HPSE2: variants seen among roughly 807,000 people sequenced by gnomAD.
HPSE2 encodes the protein heparanase 2 (inactive).
A neutral mutation model predicts 60.5 loss-of-function variants in HPSE2; 38 were observed. The ratio of observed to expected loss-of-function variants is 0.63; its 90% CI spans 0.48 to 0.82. The LOEUF is 0.82. Ranked by LOEUF, HPSE2 falls within the 40% of genes least tolerant of loss-of-function variation. The pLI, the probability that HPSE2 is intolerant of heterozygous loss-of-function variation, is 0.00. For synonymous variants in HPSE2, 295 were observed against 293.2 expected (o/e 1.01, Z -0.06); for missense variants, 713 against 740.4 (o/e 0.96, Z 0.43).
intron 6 of HPSE2, among the ~76,000 whole-genome samples, chr10:98,662,756 T>C (rs944306998): frequency 2.0e-5 from 3 of 152,176 alleles, no homozygotes; most frequent in African/African-American, 7.2e-5. Context: ...GAGAAAACAA[T>C]GTCTAGTCTA....
At chr10:99,216,052 T>A (rs1485281060) in intron 2 of HPSE2, among the ~76,000 whole-genome samples, 1 of 152,168 alleles carries the variant, frequency 6.6e-6, no homozygotes. Context: ...CAGAAGAAAA[T>A]ACGTTTAATC....
At chr10:98,976,676 T>A (rs192235103) in intron 3 of HPSE2, among the ~76,000 whole-genome samples, 4 of 151,236 alleles carry the variant, frequency 2.6e-5, no homozygotes, top group African/African-American at 9.8e-5. Context: ...ACACCTGAAG[T>A]AAGGAACAGT....
At chr10:99,186,153 C>CACA in intron 2 of HPSE2, among the ~76,000 whole-genome samples, 1 of 147,886 alleles carries the variant, frequency 6.8e-6, no homozygotes, top group African/African-American at 2.6e-5. Context: ...CACACACACA[C>CACA]AAGGCATATC....
At chr10:99,281,548 T>C in the HPSE2 span, among the ~76,000 whole-genome samples, 1 of 152,098 alleles carries the variant, frequency 6.6e-6, no homozygotes, top group African/African-American at 2.4e-5. Flanking sequence ...AATAACTTAC[T>C]GCTCTCGTAA....
intron 7 of HPSE2, among the ~76,000 whole-genome samples, chr10:98,635,307 TG>T (rs774786701): frequency 5.1e-4 from 77 of 152,220 alleles, no homozygotes; most frequent in Non-Finnish European, 8.4e-4. Flanking sequence ...ACATCCATTA[TG>T]GAAAACAGTA....
intron 2 of HPSE2, among the ~76,000 whole-genome samples, chr10:99,199,079 ATTAATCCATCAATGGACATTTAGG>A (rs1411664032): frequency 6.6e-6 from 1 of 152,164 alleles, no homozygotes; most frequent in Non-Finnish European, 1.5e-5. Flanking sequence ...TTTTTTAGTC[ATTAATCCATCAATGGACATTTAGG>A]TTGTTTCCAC....
At chr10:99,257,751 A>G in the HPSE2 span, among the ~76,000 whole-genome samples, 1 of 151,964 alleles carries the variant, frequency 6.6e-6, no homozygotes, top group African/African-American at 2.4e-5. Flanking sequence ...CACCCTATTC[A>G]TACACTCCCT....
At chr10:98,627,309 A>G (rs986163194) in intron 7 of HPSE2, among the ~76,000 whole-genome samples, 1 of 152,120 alleles carries the variant, frequency 6.6e-6, no homozygotes, top group Admixed American at 6.5e-5. Flanking sequence ...CCTTGTCTCA[A>G]AAAAGAAAAA....
chr10:99,275,746 C>G, the HPSE2 span, among the ~76,000 whole-genome samples: 1 of 152,166 alleles, frequency 6.6e-6, no homozygotes, highest in African/African-American at 2.4e-5. Context: ...TACCCTTGCC[C>G]CCAACAAAAT....
chr10:98,596,120 CTT>C, intron 9 of HPSE2, among the ~76,000 whole-genome samples: 1 of 152,142 alleles, frequency 6.6e-6, no homozygotes, highest in African/African-American at 2.4e-5. Context: ...TTTTAGGTGA[CTT>C]TTGCATCTAT....
At chr10:98,476,254 A>T (rs1941013036) in intron 11 of HPSE2, among the ~76,000 whole-genome samples, 1 of 144,808 alleles carries the variant, frequency 6.9e-6, no homozygotes, top group Admixed American at 7.1e-5. Flanking sequence ...GTTCTCACTC[A>T]TAGATGGGAA....
At chr10:98,905,170 T>C (rs916139816) in intron 3 of HPSE2, among the ~76,000 whole-genome samples, 1 of 152,090 alleles carries the variant, frequency 6.6e-6, no homozygotes, top group South Asian at 2.1e-4. Context: ...TCTTTTTTTT[T>C]TTATTATACT....
chr10:98,963,560 A>G (rs1043377263), intron 3 of HPSE2, among the ~76,000 whole-genome samples: 13 of 151,894 alleles, frequency 8.6e-5, no homozygotes, highest in African/African-American at 2.9e-4. Context: ...CCCCACATAC[A>G]CTCTTGTGCC....
intron 3 of HPSE2, among the ~76,000 whole-genome samples, chr10:99,079,902 G>T (rs1303371291): frequency 6.6e-6 from 1 of 152,138 alleles, no homozygotes. Flanking sequence ...CCCCAAAAAA[G>T]TTGGAGTATT....
intron 3 of HPSE2, among the ~76,000 whole-genome samples, chr10:98,807,005 T>C (rs1055613291): frequency 2.0e-5 from 3 of 151,988 alleles, no homozygotes; most frequent in African/African-American, 7.3e-5. Context: ...TAGCTGGGCG[T>C]GGTGGCAGGC....
At chr10:98,864,823 T>C (rs1342780065) in intron 3 of HPSE2, among the ~76,000 whole-genome samples, 1 of 152,194 alleles carries the variant, frequency 6.6e-6, no homozygotes, top group African/African-American at 2.4e-5. Context: ...TTCAGTATTA[T>C]TGATCAAACA....
chr10:99,100,030 C>T (rs746749183), intron 3 of HPSE2, among the ~76,000 whole-genome samples: 1 of 152,098 alleles, frequency 6.6e-6, no homozygotes, highest in Non-Finnish European at 1.5e-5. Flanking sequence ...GATAAAACCA[C>T]AAAGATGGGG....
intron 9 of HPSE2, among the ~76,000 whole-genome samples, chr10:98,595,690 G>C (rs996082079): frequency 1.3e-5 from 2 of 152,042 alleles, no homozygotes; most frequent in South Asian, 2.1e-4. Flanking sequence ...GGATGCTTTT[G>C]CTTTCTTTCT....
At chr10:98,908,683 CAAAAAAAAAAAAAAAAA>C (rs35913499) in intron 3 of HPSE2, among the ~76,000 whole-genome samples, 3,541 of 66,172 alleles carry the variant, frequency 0.054, 118 homozygotes, top group Admixed American at 0.068. Context: ...AGCTCCATCT[CAAAAAAAAAAAAAAAAA>C]AAAAAAAAAG....
Sources: allele counts gnomAD v4.1 joint callset (sites outside exome capture counted in the v4.1 genomes callset), GRCh38; gene constraint gnomAD v4.1.1; transcripts MANE v1.5; gene names NCBI Gene and HGNC (gene_info 2026-07-23, HGNC 2026-07-21).